PCDHGA3: variants seen among roughly 807,000 people sequenced by gnomAD.
PCDHGA3 encodes protocadherin gamma subfamily A, 3, also known as protocadherin gamma-A3.
A neutral mutation model predicts 58.5 loss-of-function variants in PCDHGA3; 40 were observed. That is an observed-to-expected ratio of 0.68 (90% CI 0.53 to 0.89). PCDHGA3 has a LOEUF of 0.89. PCDHGA3 is among the 40% of genes least tolerant of loss of function. The pLI is 0.00. For missense variants in PCDHGA3, 1,223 were observed against 1,195.9 expected (o/e 1.02, Z -0.33); for synonymous variants, 530 against 525.7 (o/e 1.01, Z -0.11).
chr5:141,392,775 A>C (rs777775450), intron 1 of PCDHGA3: 1 of 1,524,280 alleles, frequency 6.6e-7, no homozygotes, highest in South Asian at 1.3e-5. Context: ...CCATTTATGC[A>C]CAGTGAAGAT....
In PCDHGA3 at chr5:141,511,269, C is replaced by A; in HGVS notation, c.*96C>A. The A allele has an allele frequency of 1.3e-6, 2 of 1,546,672 alleles. No homozygotes were observed. Among genetic ancestry groups the A allele is most frequent in the Non-Finnish European group, 1.7e-6 (2 of 1,145,264 alleles). The stretch of plus-strand genomic sequence containing the variant: ...AGGCCTCAGAGTTTCAGGGCTAACC[C>A]CCAGAATACTGGTAGGGGCCAAGGC... On this transcript the variant is annotated 3_prime_UTR_variant, in exon 4 of 4. Transcript: ENST00000253812.
chr5:141,352,167 A>G (rs1003430908), intron 1 of PCDHGA3: 2 of 1,613,210 alleles, frequency 1.2e-6, no homozygotes, highest in Non-Finnish European at 1.7e-6. Flanking sequence ...GCGGCCCGCC[A>G]GCGCCTGCTG....
intron 1 of PCDHGA3, among the ~76,000 whole-genome samples, chr5:141,437,145 T>C (rs191316470): frequency 3.9e-5 from 6 of 152,364 alleles, no homozygotes; most frequent in Admixed American, 3.9e-4. Flanking sequence ...GGATTCATAA[T>C]TAACATATGT....
chr5:141,382,882 A>G, intron 1 of PCDHGA3: 1 of 1,528,134 alleles, frequency 6.5e-7, no homozygotes, highest in Non-Finnish European at 8.8e-7. Context: ...GCGCCTAAGC[A>G]AGAGAAGCAG....
chr5:141,492,285 A>T (rs2099739112), intron 1 of PCDHGA3, among the ~76,000 whole-genome samples: 1 of 152,132 alleles, frequency 6.6e-6, no homozygotes, highest in African/African-American at 2.4e-5. Flanking sequence ...CGCCCCGCCA[A>T]CACGTGCGCG....
At chr5:141,387,857 G>A (rs375524405) in intron 1 of PCDHGA3, 124 of 1,594,010 alleles carry the variant, frequency 7.8e-5, no homozygotes, top group Admixed American at 2.1e-4. Context: ...TCTCCAGGCT[G>A]GTGAGCAAGC....
At chr5:141,410,535 A>T (rs2095405545) in intron 1 of PCDHGA3, 9 of 1,613,752 alleles carry the variant, frequency 5.6e-6, no homozygotes, top group Non-Finnish European at 7.6e-6. Context: ...TCCAATGAAG[A>T]CATGGTTTGC....
intron 1 of PCDHGA3, chr5:141,403,406 T>A: frequency 6.2e-7 from 1 of 1,614,058 alleles, no homozygotes; most frequent in South Asian, 1.1e-5. Flanking sequence ...TGGAGCACGT[T>A]ATCCACTTCC....
intron 1 of PCDHGA3, among the ~76,000 whole-genome samples, chr5:141,457,424 C>T (rs1261475379): frequency 6.6e-6 from 1 of 152,068 alleles, no homozygotes; most frequent in Non-Finnish European, 1.5e-5. Context: ...TCCCTTTTTC[C>T]CCCCCACCAA....
In PCDHGA3 at chr5:141,487,072, T is replaced by C. The variant is rs754589618; in HGVS notation, c.2425-7735T>C. On this transcript the variant is annotated intron_variant, in intron 1 of 3. Coordinates refer to ENST00000253812, the MANE Select transcript of PCDHGA3 (RefSeq NM_018916.4). This position sits in a 1 kb window ranked among gnomAD's most constrained non-coding sequence, Gnocchi z 5.0. ...CTGGGGAGGTGCGGACGGCTGTTCCTATCCCAGCTGACCTCCCACCACAGA... is the reference window on the plus strand; with the variant it reads ...CTGGGGAGGTGCGGACGGCTGTTCCCATCCCAGCTGACCTCCCACCACAGA... 8.1e-6 allele frequency: 13 copies of C among 1,614,010 alleles called. No homozygotes were observed. Among genetic ancestry groups the C allele is most frequent in the Non-Finnish European group, 1.1e-5 (13 of 1,179,966 alleles).
At chr5:141,388,858 T>C (rs1217000654) in intron 1 of PCDHGA3, 1 of 1,613,984 alleles carries the variant, frequency 6.2e-7, no homozygotes, top group Non-Finnish European at 8.5e-7. Context: ...GGTGGAGGAA[T>C]GATTGCGCAA....
chr5:141,450,826 A>ATTTT (rs764729742), intron 1 of PCDHGA3, among the ~76,000 whole-genome samples: 5 of 134,360 alleles, frequency 3.7e-5, no homozygotes, highest in East Asian at 2.1e-4. Flanking sequence ...TATTATTATT[A>ATTTT]TTATTTTTTT....
chr5:141,496,621 C>A (rs1297797187), intron 2 of PCDHGA3, among the ~76,000 whole-genome samples: 1 of 152,214 alleles, frequency 6.6e-6, no homozygotes. Context: ...AGCAGCAGAT[C>A]AAAAGGCTTG....
chr5:141,376,559 C>T, intron 1 of PCDHGA3: 1 of 1,609,498 alleles, frequency 6.2e-7, no homozygotes, highest in Non-Finnish European at 8.5e-7. Flanking sequence ...TCCCGCAACC[C>T]AACTAATCAG....
chr5:141,371,529 A>G lies in PCDHGA3; in HGVS notation c.2424+25072A>G, dbSNP rs200031435. The G allele has an allele frequency of 3.3e-4, 527 of 1,613,610 alleles. No homozygotes were observed. The highest frequency in any genetic ancestry group is 8.3e-4 in the Admixed American group (50 of 59,952). On this transcript the variant is annotated intron_variant, in intron 1 of 3. Transcript: ENST00000253812. ...AACACATGATCTAGATTCTGGATTTAATGGAGAAATCCTATGCCAACTAAA... is the reference window on the plus strand; with the variant it reads ...AACACATGATCTAGATTCTGGATTTGATGGAGAAATCCTATGCCAACTAAA...
At position 141,374,633 on chromosome 5, in the gene PCDHGA3, A is replaced by C. The variant is rs1259564749; in HGVS notation, c.2424+28176A>C. 1.2e-6 allele frequency: 2 copies of C among 1,613,130 alleles called. No individual in the cohort carries two copies. Among genetic ancestry groups the C allele is most frequent in the Non-Finnish European group, 1.7e-6 (2 of 1,179,508 alleles). On this transcript the variant is annotated intron_variant, in intron 1 of 3. Transcript: ENST00000253812. Reference sequence around the variant, plus strand: ...TAGTCACTTCTCAGTGGACGTGCAAAGCGAAGCCCATGGGCCCAAGTACCC... The same window carrying C: ...TAGTCACTTCTCAGTGGACGTGCAACGCGAAGCCCATGGGCCCAAGTACCC...
Position 141,486,676 on chromosome 5 carries a change from T to A in PCDHGA3, c.2425-8131T>A, listed in dbSNP as rs375080564. On this transcript the variant is annotated intron_variant, in intron 1 of 3. Coordinates refer to ENST00000253812, the MANE Select transcript of PCDHGA3 (RefSeq NM_018916.4). This position sits in a 1 kb window ranked among gnomAD's most constrained non-coding sequence, Gnocchi z 5.0. ...CACTCCTGGAGCCCAGGAATCGAGA[T>A]GTATCAGCTTCCTCTTTCATCTCTC... 3 of 1,614,002 alleles carry A rather than the reference T, an allele frequency of 1.9e-6. No homozygotes were observed. The highest frequency in any genetic ancestry group is 2.5e-6 in the Non-Finnish European group (3 of 1,180,036).
chr5:141,365,198 G>A, intron 1 of PCDHGA3: 1 of 1,613,856 alleles, frequency 6.2e-7, no homozygotes, highest in Non-Finnish European at 8.5e-7. Context: ...AAAAATTTCG[G>A]AGACTTTCCA....
chr5:141,404,043 C>G (rs781644500), intron 1 of PCDHGA3: 1 of 1,613,726 alleles, frequency 6.2e-7, no homozygotes, highest in African/African-American at 1.3e-5. Flanking sequence ...CCTCAGGGAA[C>G]AGTAATTCTT....
Sources: allele counts gnomAD v4.1 joint callset (sites outside exome capture counted in the v4.1 genomes callset), GRCh38; gene constraint gnomAD v4.1.1; non-coding constraint Gnocchi (gnomAD v3.1); transcripts MANE v1.5; gene names NCBI Gene and HGNC (gene_info 2026-07-23, HGNC 2026-07-21).